The following UNC80 variants were observed in gnomAD, a reference collection of about 807,000 sequenced individuals.
The protein encoded by UNC80 is unc-80 subunit of NALCN channel complex.
UNC80 carries 164 observed loss-of-function variants against 384.6 expected under a neutral mutation model. That is an observed-to-expected ratio of 0.43 (90% CI 0.38 to 0.49). UNC80 has a LOEUF of 0.49. Ranked by LOEUF, UNC80 falls within the 20% of genes least tolerant of loss-of-function variation. The pLI is 0.00. For missense variants in UNC80, 3,330 were observed against 4,143.0 expected (o/e 0.80, Z 5.39); for synonymous variants, 1,486 against 1,527.8 (o/e 0.97, Z 0.64).
chr2:209,784,666 T>C (rs2077326919), intron 4 of UNC80, among the ~76,000 whole-genome samples: 1 of 152,220 alleles, frequency 6.6e-6, no homozygotes, highest in Non-Finnish European at 1.5e-5. Flanking sequence ...TGGTCTAAAA[T>C]GACAACACTT....
intron 2 of UNC80, 110 bp from the exon 3 acceptor site, chr2:209,775,779 G>A: frequency 9.5e-7 from 1 of 1,056,136 alleles, no homozygotes. Flanking sequence ...ATCTTTTAAG[G>A]GGTACAGTAC....
chr2:209,896,380 G>A lies in UNC80; in HGVS notation c.4548G>A (p.Glu1516=). The A allele has an allele frequency of 2.6e-6, 4 of 1,551,596 alleles. No homozygotes were observed. In the African/African-American group the frequency reaches 5.5e-5, roughly 21 times the overall value. Residue 1516 remains glutamate (E), a synonymous_variant, in exon 28 of 65, where the codon GAG becomes GAA. Transcript: ENST00000673920. ...EPEGMSNAGA[E]ENYHRNMSWL... ...AGGGAATGAGTAATGCCGGCGCGGA[G>A]GAGAATTACCACAGAAACATGTCGT... is the stretch of plus-strand genomic sequence containing the variant.
At chr2:209,873,052 A>T in intron 23 of UNC80, 82 bp downstream of exon 23, 1 of 1,323,788 alleles carries the variant, frequency 7.6e-7, no homozygotes, top group Non-Finnish European at 1.1e-6. Context: ...GTTTGTTTTG[A>T]AGACAATTTA....
chr2:209,783,594 G>A (rs928161529), intron 4 of UNC80, among the ~76,000 whole-genome samples: 2 of 152,112 alleles, frequency 1.3e-5, no homozygotes, highest in African/African-American at 4.8e-5. Flanking sequence ...AATCTACTTG[G>A]AGATGTATTT....
intron 23 of UNC80, among the ~76,000 whole-genome samples, chr2:209,875,293 A>G (rs1278413117): frequency 1.3e-5 from 2 of 152,218 alleles, no homozygotes; most frequent in Non-Finnish European, 2.9e-5. Flanking sequence ...CCCTCAGGAT[A>G]AAACCCAAAC....
chr2:209,864,247 G>A (rs954759736), intron 22 of UNC80, among the ~76,000 whole-genome samples: 1 of 151,958 alleles, frequency 6.6e-6, no homozygotes, highest in Non-Finnish European at 1.5e-5. Context: ...TGACCTCGAG[G>A]GGCACCAACC....
At chr2:209,840,870 T>C (rs895673051) in intron 20 of UNC80, among the ~76,000 whole-genome samples, 1 of 152,224 alleles carries the variant, frequency 6.6e-6, no homozygotes, top group Non-Finnish European at 1.5e-5. Context: ...AAAAATTATA[T>C]AAAATTATAA....
chr2:209,892,072 G>A (rs2086390358), intron 26 of UNC80, among the ~76,000 whole-genome samples: 2 of 152,132 alleles, frequency 1.3e-5, no homozygotes, highest in Admixed American at 6.5e-5. Flanking sequence ...TGTTTTAAGT[G>A]CATTAGAGTT....
At position 209,998,742 on chromosome 2, in the gene UNC80, T is replaced by C. The variant is rs2093518093; in HGVS notation, c.*3147T>C. 1 of 152,218 alleles carries C rather than the reference T, an allele frequency of 6.6e-6. No homozygotes were observed. Among genetic ancestry groups the C allele is most frequent in the South Asian group, 2.1e-4 (1 of 4,836 alleles). 9.4% of individuals were successfully genotyped at this position (152,218 alleles called of 1,614,324 possible). A position where few individuals can be genotyped will look rare whatever the true frequency, so the allele number is the denominator to read the frequency against. On this transcript the variant is annotated 3_prime_UTR_variant, in exon 65 of 65. Transcript: ENST00000673920. ...ATGAATTAAATATCCTTCCTCAAGT[T>C]ATAAAGGATACTTTAATAGAACACA...
At chr2:209,778,386 C>T (rs915876835) in intron 4 of UNC80, among the ~76,000 whole-genome samples, 4 of 151,664 alleles carry the variant, frequency 2.6e-5, no homozygotes, top group Admixed American at 6.6e-5. Flanking sequence ...GGTGACAAAG[C>T]GAGACTCTGT....
At chr2:209,989,546 A>G (rs1172723619) in intron 61 of UNC80, among the ~76,000 whole-genome samples, 4 of 152,200 alleles carry the variant, frequency 2.6e-5, no homozygotes, top group African/African-American at 9.6e-5. Context: ...ATAACATAGT[A>G]TTTCCCTAAA....
chr2:209,792,593 C>T (rs1316563186), intron 6 of UNC80, among the ~76,000 whole-genome samples: 1 of 152,116 alleles, frequency 6.6e-6, no homozygotes, highest in East Asian at 1.9e-4. Context: ...GTGATCCGCC[C>T]ACCTCTGCCT....
At chr2:209,898,149 T>G (rs1271770273) in intron 28 of UNC80, among the ~76,000 whole-genome samples, 1 of 152,160 alleles carries the variant, frequency 6.6e-6, no homozygotes, top group African/African-American at 2.4e-5. Context: ...TTCAATTTTG[T>G]CTTTTAAAAG....
chr2:209,814,537 C>G (rs912806676), intron 8 of UNC80, among the ~76,000 whole-genome samples: 1 of 152,106 alleles, frequency 6.6e-6, no homozygotes, highest in Non-Finnish European at 1.5e-5. Context: ...TGAGCCACCG[C>G]GCCTGGCCAA....
chr2:209,933,834 A>G lies in UNC80; in HGVS notation c.6007A>G (p.Met2003Val). The change falls in exon 39 of 65, where the codon ATG becomes GTG. Residue 2003 changes from methionine to valine, a missense_variant. Around this residue, in one of 8 missense-constraint regions of UNC80, gnomAD observed 1,049 missense variants for 1,488.6 expected, o/e 0.70. Coordinates refer to ENST00000673920, the MANE Select transcript of UNC80 (RefSeq NM_001371986.1). The part of the protein sequence containing the change: ...ILFNYLVGLI[M>V]YFVRTPCEWG... The stretch of plus-strand genomic sequence containing the variant: ...TACTGACTTCTAGGTAGGATTAATC[A>G]TGTACTTTGTGCGGACCCCCTGCGA... The G allele has an allele frequency of 1.3e-6, 2 of 1,550,892 alleles. No homozygotes were observed. The highest frequency in any genetic ancestry group is 1.7e-6 in the Non-Finnish European group (2 of 1,146,574).
chr2:209,847,391 TAATGCTATATAAATAC>T (rs757935736), intron 21 of UNC80, among the ~76,000 whole-genome samples: 87 of 152,180 alleles, frequency 5.7e-4, no homozygotes, highest in Admixed American at 2.4e-3. Context: ...TCTTATCTAT[TAATGCTATATAAATAC>T]AATGCTATAT....
chr2:209,778,853 A>G (rs934952132), intron 4 of UNC80, among the ~76,000 whole-genome samples: 3 of 152,244 alleles, frequency 2.0e-5, no homozygotes, highest in African/African-American at 7.2e-5. Flanking sequence ...AGTTAGTAAT[A>G]TATTTATGAA....
intron 64 of UNC80, among the ~76,000 whole-genome samples, chr2:209,995,113 TAAGC>T (rs1480757924): frequency 2.6e-5 from 4 of 152,196 alleles, no homozygotes; most frequent in Non-Finnish European, 5.9e-5. Context: ...GTCTACAAGA[TAAGC>T]AAGACAAAAA....
intron 6 of UNC80, among the ~76,000 whole-genome samples, chr2:209,792,745 A>G (rs2077901202): frequency 6.6e-6 from 1 of 152,184 alleles, no homozygotes; most frequent in African/African-American, 2.4e-5. Context: ...CCTTTTCACT[A>G]TTTTTAATGT....
Sources: gnomAD v4.1 joint callset for allele counts (sites outside exome capture counted in the v4.1 genomes callset) on GRCh38, gnomAD v4.1.1 for gene constraint, gnomAD v4.1.1 regional missense constraint, MANE v1.5 for transcripts, NCBI Gene and HGNC (gene_info 2026-07-23, HGNC 2026-07-21) for gene names.